The following PPP2R5C variants were observed in gnomAD, a reference collection of about 807,000 sequenced individuals.
PPP2R5C encodes the protein protein phosphatase 2 regulatory subunit B'gamma, also known as serine/threonine-protein phosphatase 2A 56 kDa regulatory subunit gamma isoform.
Under a neutral mutation model 68.9 loss-of-function variants are expected in PPP2R5C, and 7 were observed. The observed-to-expected ratio is 0.10, with a 90% CI of 0.06 to 0.19. PPP2R5C has a LOEUF of 0.19. PPP2R5C is among the 10% of genes least tolerant of loss of function. The pLI, the probability that PPP2R5C is intolerant of heterozygous loss-of-function variation, is 1.00. For synonymous variants in PPP2R5C, 210 were observed against 222.2 expected (o/e 0.95, Z 0.49); for missense variants, 348 against 641.3 (o/e 0.54, Z 4.94).
intron 2 of PPP2R5C, among the ~76,000 whole-genome samples, chr14:101,774,321 C>T (rs894501821): frequency 1.3e-5 from 2 of 152,176 alleles, no homozygotes; most frequent in African/African-American, 2.4e-5. Context: ...CATTAGCAGC[C>T]TTAGTTTTTC....
At position 101,831,531 on chromosome 14, in the gene PPP2R5C, G is replaced by T. The variant is rs142523439; in HGVS notation, c.94+21495G>T. On this transcript the variant is annotated intron_variant, in intron 1 of 13. Transcript: ENST00000334743. The stretch of plus-strand genomic sequence containing the variant: ...AGTTTGTGGTACTAAAACCATTGCA[G>T]ATGCATAAAGGAAGATGCTTATCAT... 2.5e-3 allele frequency among the ~76,000 whole-genome samples: 381 copies of T among 152,302 alleles called. 3 individuals carry two copies. The highest frequency in any genetic ancestry group is 0.01 in the Middle Eastern group (3 of 294).
chr14:101,871,764 A>G (rs1429535719), intron 2 of PPP2R5C, among the ~76,000 whole-genome samples: 3 of 151,814 alleles, frequency 2.0e-5, no homozygotes, highest in African/African-American at 4.8e-5. Context: ...TGGCTTCTTT[A>G]TGATAACTCC....
chr14:101,827,045 G>A (rs974505215), intron 1 of PPP2R5C, among the ~76,000 whole-genome samples: 4 of 141,784 alleles, frequency 2.8e-5, no homozygotes, highest in Admixed American at 7.6e-5. Context: ...GGGTGATCTC[G>A]GCTCACTGCA....
intron 2 of PPP2R5C, among the ~76,000 whole-genome samples, chr14:101,872,083 T>G (rs1445143399): frequency 6.6e-6 from 1 of 152,116 alleles, no homozygotes; most frequent in Non-Finnish European, 1.5e-5. Context: ...CATTCCTTTG[T>G]GTAGATTCAG....
intron 2 of PPP2R5C, among the ~76,000 whole-genome samples, chr14:101,767,745 C>T (rs2036932060): frequency 6.6e-6 from 1 of 152,170 alleles, no homozygotes; most frequent in Non-Finnish European, 1.5e-5. Flanking sequence ...ATGGTCTTTC[C>T]TTAGAGCCCA....
chr14:101,771,257 G>GTGTGTA (rs1566823474), intron 2 of PPP2R5C, among the ~76,000 whole-genome samples: 1 of 149,624 alleles, frequency 6.7e-6, no homozygotes, highest in African/African-American at 2.5e-5. Flanking sequence ...GTGTGTGTGT[G>GTGTGTA]TGTGTGTATT....
chr14:101,770,103 G>C (rs2037070436), intron 2 of PPP2R5C, among the ~76,000 whole-genome samples: 1 of 152,206 alleles, frequency 6.6e-6, no homozygotes, highest in South Asian at 2.1e-4. Flanking sequence ...ACAATCTAAG[G>C]CACCACCATC....
intron 2 of PPP2R5C, among the ~76,000 whole-genome samples, chr14:101,780,619 G>T (rs185315910): frequency 1.3e-5 from 2 of 152,080 alleles, no homozygotes; most frequent in Non-Finnish European, 2.9e-5. Context: ...CGTCCAGATC[G>T]CTTTGCTTTT....
chr14:101,783,552 G>A (rs886835967), intron 2 of PPP2R5C, among the ~76,000 whole-genome samples: 3 of 151,892 alleles, frequency 2.0e-5, no homozygotes, highest in Non-Finnish European at 4.4e-5. Context: ...GGGCATGGTG[G>A]CCAAAAGGCC....
chr14:101,800,290 G>A (rs935697113), intron 3 of PPP2R5C, among the ~76,000 whole-genome samples: 3 of 152,062 alleles, frequency 2.0e-5, no homozygotes, highest in East Asian at 1.9e-4. Flanking sequence ...GGCCAGGCAC[G>A]GTGGGTCATG....
intron 2 of PPP2R5C, among the ~76,000 whole-genome samples, chr14:101,768,859 C>T (rs993894648): frequency 4.4e-4 from 65 of 148,524 alleles, no homozygotes; most frequent in Non-Finnish European, 7.8e-4. Flanking sequence ...GAGTCTTGCT[C>T]TGTCACCCAG....
chr14:101,867,646 C>T (rs564202203), intron 2 of PPP2R5C, among the ~76,000 whole-genome samples: 11 of 151,720 alleles, frequency 7.3e-5, no homozygotes, highest in Non-Finnish European at 1.5e-4. Context: ...GGCATGGTGG[C>T]GGGCACCTGT....
intron 1 of PPP2R5C, among the ~76,000 whole-genome samples, chr14:101,814,070 A>G (rs945431612): frequency 6.6e-6 from 1 of 152,256 alleles, no homozygotes; most frequent in African/African-American, 2.4e-5. Context: ...ATGGGTTGCT[A>G]AATTAGTAAC....
intron 5 of PPP2R5C, among the ~76,000 whole-genome samples, chr14:101,886,770 G>A (rs1024170372): frequency 6.7e-6 from 1 of 149,328 alleles, no homozygotes; most frequent in Non-Finnish European, 1.5e-5. Flanking sequence ...CTGTCACCCA[G>A]GCTGGAGTAC....
At chr14:101,805,205 A>G (rs2039028460), upstream of PPP2R5C, among the ~76,000 whole-genome samples, 1 of 152,102 alleles carries the variant, frequency 6.6e-6, no homozygotes, top group Non-Finnish European at 1.5e-5. Flanking sequence ...AGCTGGGCCT[A>G]CAGGCACGCA....
intron 3 of PPP2R5C, among the ~76,000 whole-genome samples, chr14:101,787,451 T>C (rs1177921409): frequency 6.6e-6 from 1 of 151,822 alleles, no homozygotes; most frequent in African/African-American, 2.4e-5. Context: ...TGAATTTTCT[T>C]GCCCCCTACT....
At chr14:101,872,710 C>G (rs552507052) in intron 2 of PPP2R5C, among the ~76,000 whole-genome samples, 1 of 152,310 alleles carries the variant, frequency 6.6e-6, no homozygotes, top group Non-Finnish European at 1.5e-5. Context: ...GGAGCTTTCA[C>G]AGTTGTCTCT....
At chr14:101,785,996 G>T (rs2038074061) in intron 2 of PPP2R5C, 22 bp from the exon 3 acceptor site, 2 of 1,512,544 alleles carry the variant, frequency 1.3e-6, no homozygotes, top group South Asian at 1.3e-5. Flanking sequence ...ATATTCATTT[G>T]TTTTTGTTTT....
chr14:101,767,135 C>T (rs977908293), intron 2 of PPP2R5C: 1 of 152,208 alleles, frequency 6.6e-6, no homozygotes, highest in African/African-American at 2.4e-5. Context: ...ACAATCCTCT[C>T]TCCAACTCGT....
Sources: allele counts gnomAD v4.1 joint callset (sites outside exome capture counted in the v4.1 genomes callset), GRCh38; gene constraint gnomAD v4.1.1; transcripts MANE v1.5; gene names NCBI Gene and HGNC (gene_info 2026-07-23, HGNC 2026-07-21).